MAGI2: variants seen among roughly 807,000 people sequenced by gnomAD.
MAGI2 encodes membrane associated guanylate kinase, WW and PDZ domain containing 2.
A neutral mutation model predicts 133.3 loss-of-function variants in MAGI2; 35 were observed. The observed-to-expected ratio is 0.26, with a 90% CI of 0.20 to 0.35. The LOEUF (loss-of-function observed/expected upper bound fraction) is 0.35. Ranked by LOEUF, MAGI2 falls within the 10% of genes least tolerant of loss-of-function variation. The pLI, the probability that MAGI2 is intolerant of heterozygous loss-of-function variation, is 1.00. For synonymous variants in MAGI2, 729 were observed against 710.6 expected (o/e 1.03, Z -0.41); for missense variants, 1,636 against 1,863.4 (o/e 0.88, Z 2.25).
At chr7:78,608,506 T>C (rs986716076) in intron 3 of MAGI2, among the ~76,000 whole-genome samples, 3 of 151,944 alleles carry the variant, frequency 2.0e-5, no homozygotes, top group African/African-American at 7.2e-5. Flanking sequence ...TAGAAGCATA[T>C]ATAATGTGTG....
intron 3 of MAGI2, among the ~76,000 whole-genome samples, chr7:78,624,858 TTAGA>T (rs1279044025): frequency 6.6e-6 from 1 of 152,166 alleles, no homozygotes; most frequent in Middle Eastern, 3.2e-3. Flanking sequence ...TATTACTGGC[TTAGA>T]TAATTACTGT....
intron 6 of MAGI2, among the ~76,000 whole-genome samples, chr7:78,387,219 C>T (rs150065379): frequency 2.6e-5 from 4 of 152,278 alleles, no homozygotes; most frequent in Admixed American, 2.6e-4. Flanking sequence ...CAATGTGTGA[C>T]ATTCATGCAC....
At chr7:78,155,010 G>T (rs1308720065) in intron 16 of MAGI2, among the ~76,000 whole-genome samples, 2 of 152,132 alleles carry the variant, frequency 1.3e-5, no homozygotes, top group Non-Finnish European at 2.9e-5. Context: ...TTAGTCAATG[G>T]CAGAAAATGC....
At chr7:78,529,070 G>C (rs1387670516) in intron 3 of MAGI2, among the ~76,000 whole-genome samples, 1 of 151,700 alleles carries the variant, frequency 6.6e-6, no homozygotes, top group Non-Finnish European at 1.5e-5. Context: ...AATTAACGCT[G>C]GTTTCACAAT....
At chr7:79,098,621 A>C (rs1291655366) in intron 1 of MAGI2, among the ~76,000 whole-genome samples, 2 of 152,210 alleles carry the variant, frequency 1.3e-5, no homozygotes, top group Non-Finnish European at 2.9e-5. Flanking sequence ...CTGCAATACT[A>C]ATCTTTGTTC....
At chr7:78,084,924 A>C (rs1357706473) in intron 20 of MAGI2, among the ~76,000 whole-genome samples, 1 of 152,214 alleles carries the variant, frequency 6.6e-6, no homozygotes, top group African/African-American at 2.4e-5. Flanking sequence ...AATATTTTTC[A>C]AGGGGTTACA....
chr7:78,768,093 C>T (rs1825211231), intron 2 of MAGI2, among the ~76,000 whole-genome samples: 1 of 152,198 alleles, frequency 6.6e-6, no homozygotes, highest in Non-Finnish European at 1.5e-5. Context: ...TATATGTACA[C>T]ATTATCTGGT....
chr7:78,208,006 A>G (rs1406083653), intron 10 of MAGI2, among the ~76,000 whole-genome samples: 1 of 151,844 alleles, frequency 6.6e-6, no homozygotes, highest in East Asian at 1.9e-4. Context: ...AGTAGCTGGG[A>G]TTACAGGCGC....
chr7:78,152,471 A>G (rs1369217620), intron 16 of MAGI2, among the ~76,000 whole-genome samples: 1 of 152,216 alleles, frequency 6.6e-6, no homozygotes, highest in Non-Finnish European at 1.5e-5. Flanking sequence ...GATTGTATGT[A>G]GAAAGTGTGG....
intron 1 of MAGI2, among the ~76,000 whole-genome samples, chr7:79,276,954 C>T (rs1293908265): frequency 6.6e-6 from 1 of 151,700 alleles, no homozygotes; most frequent in East Asian, 1.9e-4. Context: ...TAGAGTGAAA[C>T]TCTGTCTAAA....
At chr7:79,173,879 G>A (rs1343500713) in intron 1 of MAGI2, among the ~76,000 whole-genome samples, 2 of 151,962 alleles carry the variant, frequency 1.3e-5, no homozygotes, top group Non-Finnish European at 2.9e-5. Flanking sequence ...CTCAAAATAA[G>A]ATAAGGTACA....
chr7:79,363,194 A>G (rs186568570), intron 1 of MAGI2, among the ~76,000 whole-genome samples: 1 of 150,764 alleles, frequency 6.6e-6, no homozygotes, highest in East Asian at 2.0e-4. Flanking sequence ...ACAATTTTCA[A>G]TCACTTCGAA....
intron 10 of MAGI2, among the ~76,000 whole-genome samples, chr7:78,251,195 T>C (rs780612193): frequency 6.6e-5 from 10 of 152,186 alleles, no homozygotes; most frequent in Non-Finnish European, 1.2e-4. Flanking sequence ...ATTGATTATT[T>C]AAATTTCCAG....
chr7:78,106,307 C>CAAGGG (rs1305707300), intron 20 of MAGI2, among the ~76,000 whole-genome samples: 1 of 152,112 alleles, frequency 6.6e-6, no homozygotes, highest in African/African-American at 2.4e-5. Flanking sequence ...GTGAATACCA[C>CAAGGG]TGTAATAAAC....
At chr7:78,294,845 A>T (rs1044103182) in intron 9 of MAGI2, among the ~76,000 whole-genome samples, 9 of 152,154 alleles carry the variant, frequency 5.9e-5, no homozygotes, top group Non-Finnish European at 1.3e-4. Context: ...AATTGCATTT[A>T]AAAAAATTTC....
chr7:78,144,838 G>A (rs1430139566), intron 16 of MAGI2, among the ~76,000 whole-genome samples: 1 of 152,228 alleles, frequency 6.6e-6, no homozygotes, highest in Non-Finnish European at 1.5e-5. Context: ...GTGCCATGGT[G>A]GTTTGCTGCA....
chr7:79,171,770 A>ATATATATAT, intron 1 of MAGI2, among the ~76,000 whole-genome samples: 47 of 31,220 alleles, frequency 1.5e-3, no homozygotes, highest in African/African-American at 3.0e-3. Flanking sequence ...ATATATATAT[A>ATATATATAT]TTTTTTTTTT....
rs1218210377 is a variant in MAGI2, at chr7:78,019,755, G to A, written c.3928C>T (p.Leu1310Phe). 6.2e-7 allele frequency: 1 copy of A among 1,612,264 alleles called. No homozygotes were observed. Among genetic ancestry groups the A allele is most frequent in the Non-Finnish European group, 8.5e-7 (1 of 1,179,644 alleles). Reference protein sequence around the residue: ...LSACGQKKQRLGEQRERSASP... With the variant: ...LSACGQKKQRFGEQRERSASP... ...GCCGAGCGCTCCCTCTGCTCCCCGAGGCGCTGCTTCTTCTGGCCGCAGGCT... is the reference window on the plus strand; with the variant it reads ...GCCGAGCGCTCCCTCTGCTCCCCGAAGCGCTGCTTCTTCTGGCCGCAGGCT... The change falls in exon 22 of 22, where the codon CTC (leucine) becomes TTC (phenylalanine). Residue 1310 changes from leucine (L) to phenylalanine (F), a missense_variant. By Grantham distance (22) the Leu-to-Phe change is conservative. This residue lies in a region of MAGI2 where 354 missense variants were observed against 298.7 expected (regional missense o/e 1.19). Transcript: ENST00000354212.
At chr7:78,154,736 A>G (rs1824221692) in intron 16 of MAGI2, among the ~76,000 whole-genome samples, 2 of 152,172 alleles carry the variant, frequency 1.3e-5, no homozygotes, top group Admixed American at 1.3e-4. Flanking sequence ...ACTTGTACCA[A>G]AGCCCTTCTT....
Sources: allele counts gnomAD v4.1 joint callset (sites outside exome capture counted in the v4.1 genomes callset), GRCh38; gene constraint gnomAD v4.1.1; regional missense constraint gnomAD v4.1.1; transcripts MANE v1.5; gene names NCBI Gene and HGNC (gene_info 2026-07-23, HGNC 2026-07-21).